HERC3: variants seen among roughly 807,000 people sequenced by gnomAD.
HERC3 encodes the protein probable E3 ubiquitin-protein ligase HERC3.
HERC3 carries 58 observed loss-of-function variants against 129.9 expected under a neutral mutation model. The ratio of observed to expected loss-of-function variants is 0.45; its 90% confidence interval spans 0.36 to 0.56. The LOEUF (loss-of-function observed/expected upper bound fraction) is 0.56, where lower values mean the gene tolerates loss of function less well. Among genes scored for constraint, HERC3 ranks in the 20% least tolerant of loss-of-function variants. The probability of loss-of-function intolerance (pLI) is 0.00; values close to 1 mark genes in which losing one functional copy is unlikely to be tolerated. For missense variants in HERC3, 835 were observed against 1,244.2 expected (o/e 0.67, Z 4.95); for synonymous variants, 430 against 451.0 (o/e 0.95, Z 0.59).
chr4:88,614,071 A>T (rs1724645756), intron 3 of HERC3, among the ~76,000 whole-genome samples: 1 of 152,202 alleles, frequency 6.6e-6, no homozygotes, highest in Non-Finnish European at 1.5e-5. Context: ...TGTGACTTTT[A>T]AAAACCTGCA....
chr4:88,690,694 A>G (rs1733985306), intron 23 of HERC3: 1 of 728,976 alleles, frequency 1.4e-6, no homozygotes, highest in Non-Finnish European at 1.7e-6. Flanking sequence ...TCCTTTTCAT[A>G]TCTTTGTCAA....
chr4:88,693,885 T>A (rs1734326455), intron 23 of HERC3, among the ~76,000 whole-genome samples: 1 of 152,248 alleles, frequency 6.6e-6, no homozygotes, highest in African/African-American at 2.4e-5. Flanking sequence ...GGTTTATGAA[T>A]GATAGTGTTT....
intron 25 of HERC3, among the ~76,000 whole-genome samples, chr4:88,705,125 C>T (rs1488603632): frequency 6.6e-6 from 1 of 152,076 alleles, no homozygotes; most frequent in Non-Finnish European, 1.5e-5. Context: ...TTTTGGCCTC[C>T]CAAAATGCTG....
chr4:88,684,344 C>G (rs886074381), intron 21 of HERC3, among the ~76,000 whole-genome samples: 1 of 152,068 alleles, frequency 6.6e-6, no homozygotes, highest in Non-Finnish European at 1.5e-5. Context: ...TTCGACAAAC[C>G]TGACAAAAAC....
At chr4:88,697,285 TCCTCCTCCTCGTCTTCCC>T (rs747760049) in intron 23 of HERC3, 25 of 1,603,646 alleles carry the variant, frequency 1.6e-5, no homozygotes, top group Non-Finnish European at 2.0e-5. Context: ...CGCAGCCTCC[TCCTCCTCCTCGTCTTCCC>T]CCTCCTCCTC....
intron 3 of HERC3, among the ~76,000 whole-genome samples, chr4:88,642,696 T>C (rs1467665292): frequency 1.3e-5 from 2 of 152,198 alleles, no homozygotes; most frequent in Non-Finnish European, 2.9e-5. Context: ...ATAAGGGCAC[T>C]AATCTCAACC....
intron 3 of HERC3, among the ~76,000 whole-genome samples, chr4:88,635,888 C>T (rs890746538): frequency 2.0e-5 from 3 of 152,134 alleles, no homozygotes; most frequent in Non-Finnish European, 2.9e-5. Context: ...AATTTCATGT[C>T]TGGCCAAATT....
intron 3 of HERC3, among the ~76,000 whole-genome samples, chr4:88,641,069 G>A (rs28890485): frequency 0.044 from 6,620 of 152,028 alleles, 181 homozygotes; most frequent in Middle Eastern, 0.12. Context: ...ATACAAACAT[G>A]AACAAATTTT....
At chr4:88,655,088 T>G in intron 7 of HERC3, 86 bp from the exon 8 acceptor site, 7 of 1,380,080 alleles carry the variant, frequency 5.1e-6, no homozygotes, top group East Asian at 2.4e-5. Flanking sequence ...CTTGTGCACA[T>G]TGTTGTGATA....
the HERC3 span, among the ~76,000 whole-genome samples, chr4:88,568,299 A>T: frequency 6.6e-6 from 1 of 152,136 alleles, no homozygotes; most frequent in Non-Finnish European, 1.5e-5. Context: ...ATGTTCACTC[A>T]AGGCCCAAGG....
chr4:88,678,127 C>T lies in HERC3; in HGVS notation c.2189C>T (p.Pro730Leu). The T allele has an allele frequency of 6.2e-7, 1 of 1,613,514 alleles. No individual in the cohort carries two copies. Among genetic ancestry groups the T allele is most frequent in the Non-Finnish European group, 8.5e-7 (1 of 1,179,888 alleles). ...CATTCTGATATTGATTTGAAAAAGC[C>T]TCTCAAAGTGAGTTCCTTCAGGATA... is the stretch of plus-strand genomic sequence containing the variant. ...SIHSDIDLKK[P>L]LKVIFDGEEA... Residue 730 changes from proline (P) to leucine (L), a missense_variant, in exon 19 of 26, where the codon CCT becomes CTT. Coordinates refer to ENST00000402738, the MANE Select transcript of HERC3 (RefSeq NM_014606.3).
the HERC3 span, among the ~76,000 whole-genome samples, chr4:88,574,781 A>C: frequency 2.0e-5 from 3 of 152,178 alleles, no homozygotes; most frequent in South Asian, 6.2e-4. Flanking sequence ...ATTCCATTGT[A>C]TGCATACACC....
At chr4:88,546,513 TTTCC>T in the HERC3 span, among the ~76,000 whole-genome samples, 25 of 140,314 alleles carry the variant, frequency 1.8e-4, no homozygotes, top group African/African-American at 6.4e-4. Flanking sequence ...CCCTTCCTCC[TTTCC>T]TTCCTTCCTT....
Position 88,612,029 on chromosome 4 carries a change from A to C in HERC3, c.226+5980A>C, listed in dbSNP as rs146778845. 2.3e-3 allele frequency among the ~76,000 whole-genome samples: 346 copies of C among 152,316 alleles called. 3 individuals carry two copies. Among genetic ancestry groups the C allele is most frequent in the African/African-American group, 7.9e-3 (327 of 41,552 alleles). On this transcript the variant is annotated intron_variant, in intron 3 of 25. Coordinates refer to ENST00000402738, the MANE Select transcript of HERC3 (RefSeq NM_014606.3). ...TTGATTCTGTCCTGCTAGTCATCAT[A>C]TACCATGTTATACACTCTGTCTCTA...
chr4:88,527,905 G>A, the HERC3 span: 1 of 276,180 alleles, frequency 3.6e-6, no homozygotes, highest in Non-Finnish European at 7.3e-6. Flanking sequence ...CAGCACCAAG[G>A]CGATGTGGGA....
At chr4:88,638,336 A>G (rs1458383271) in intron 3 of HERC3, among the ~76,000 whole-genome samples, 1 of 152,234 alleles carries the variant, frequency 6.6e-6, no homozygotes, top group Non-Finnish European at 1.5e-5. Context: ...CAGTGTGAAA[A>G]TCCTCAATAA....
chr4:88,684,276 C>T (rs1479369372), intron 21 of HERC3, among the ~76,000 whole-genome samples: 2 of 152,088 alleles, frequency 1.3e-5, no homozygotes, highest in Non-Finnish European at 2.9e-5. Context: ...GATATATAGA[C>T]CAATAGAACA....
At chr4:88,688,358 T>A (rs570614446) in intron 23 of HERC3, among the ~76,000 whole-genome samples, 1 of 152,158 alleles carries the variant, frequency 6.6e-6, no homozygotes, top group African/African-American at 2.4e-5. Flanking sequence ...GTTTCTATTT[T>A]AGAAAGATTA....
chr4:88,662,282 A>C, intron 10 of HERC3, 149 bp from the exon 11 acceptor site: 1 of 710,440 alleles, frequency 1.4e-6, no homozygotes, highest in Non-Finnish European at 2.2e-6. Flanking sequence ...AGGAGCCTCC[A>C]TTCTGAAGGG....
Sources: gnomAD v4.1 joint callset for allele counts (sites outside exome capture counted in the v4.1 genomes callset) on GRCh38, gnomAD v4.1.1 for gene constraint, MANE v1.5 for transcripts, NCBI Gene and HGNC (gene_info 2026-07-23, HGNC 2026-07-21) for gene names.